NPAS3: variants seen among roughly 807,000 people sequenced by gnomAD.
NPAS3 encodes the protein neuronal PAS domain-containing protein 3.
Under a neutral mutation model 73.1 loss-of-function variants are expected in NPAS3, and 14 were observed. The ratio of observed to expected loss-of-function variants is 0.19; its 90% CI spans 0.13 to 0.30. The LOEUF (loss-of-function observed/expected upper bound fraction) is 0.30, where lower values mean the gene tolerates loss of function less well. Ranked by LOEUF, NPAS3 falls within the 10% of genes least tolerant of loss-of-function variation. NPAS3 has a pLI of 1.00. For synonymous variants in NPAS3, 620 were observed against 541.5 expected, an observed-to-expected ratio of 1.14 and a Z score of -2.01; for missense variants, 1,096 against 1,250.0, an observed-to-expected ratio of 0.88 and a Z score of 1.86.
chr14:32,965,746 A>G lies in NPAS3; in HGVS notation c.50+26380A>G, dbSNP rs1187750201. Among the ~76,000 whole-genome samples, 7 of 152,332 alleles carry G rather than the reference A, an allele frequency of 4.6e-5. No homozygotes were observed. The East Asian group carries it at 1.2e-3, about 25-fold the overall frequency. On this transcript the variant is annotated intron_variant, in intron 1 of 11. Coordinates refer to ENST00000356141, the Ensembl canonical transcript of NPAS3. The stretch of plus-strand genomic sequence containing the variant: ...AGAGAAAGAAATACAGGGCATCCAA[A>G]TTGGAAAGAATGAAGTCAGATTGTT...
intron 3 of NPAS3, among the ~76,000 whole-genome samples, chr14:33,322,726 A>C (rs2043512265): frequency 6.6e-6 from 1 of 152,186 alleles, no homozygotes; most frequent in Admixed American, 6.6e-5. Flanking sequence ...ATAAAACTAC[A>C]GTAGGTGAAC....
intron 2 of NPAS3, among the ~76,000 whole-genome samples, chr14:33,177,433 AT>A (rs2045634938): frequency 6.6e-6 from 1 of 151,804 alleles, no homozygotes; most frequent in Admixed American, 6.6e-5. Flanking sequence ...CTAATATGTG[AT>A]TTGCAAATAT....
At chr14:33,649,697 G>GGCCAAAAA in intron 5 of NPAS3, among the ~76,000 whole-genome samples, 1 of 152,216 alleles carries the variant, frequency 6.6e-6, no homozygotes, top group East Asian at 1.9e-4. Context: ...AAGGAAGAAA[G>GGCCAAAAA]GCCAAAAAGG....
intron 4 of NPAS3, among the ~76,000 whole-genome samples, chr14:33,428,985 C>T (rs574403543): frequency 6.6e-5 from 10 of 151,884 alleles, no homozygotes; most frequent in Middle Eastern, 3.4e-3. Flanking sequence ...ACCAAAATAG[C>T]GAGGAGGTTG....
intron 5 of NPAS3, chr14:33,581,967 T>G (rs1381904341): frequency 6.6e-6 from 1 of 152,232 alleles, no homozygotes; most frequent in African/African-American, 2.4e-5. Context: ...TTAACCAGGC[T>G]TAGATTATTG....
intron 1 of NPAS3, among the ~76,000 whole-genome samples, chr14:32,959,492 A>G (rs1165943920): frequency 6.6e-6 from 1 of 152,248 alleles, no homozygotes; most frequent in African/African-American, 2.4e-5. Context: ...CTATGTTTAC[A>G]TTTACGTGAG....
chr14:33,603,306 G>A (rs1361729256), intron 5 of NPAS3, among the ~76,000 whole-genome samples: 2 of 152,096 alleles, frequency 1.3e-5, no homozygotes, highest in Admixed American at 1.3e-4. Context: ...AAATACAGAG[G>A]GAAAAGTGAA....
At chr14:33,340,058 A>G (rs2044400199) in intron 3 of NPAS3, among the ~76,000 whole-genome samples, 1 of 152,118 alleles carries the variant, frequency 6.6e-6, no homozygotes, top group Non-Finnish European at 1.5e-5. Flanking sequence ...TTTTATTCCT[A>G]TTGGTGATAC....
intron 2 of NPAS3, among the ~76,000 whole-genome samples, chr14:33,095,673 T>TA (rs2042388252): frequency 7.2e-6 from 1 of 137,962 alleles, no homozygotes; most frequent in South Asian, 2.3e-4. Context: ...TTTTTTTATT[T>TA]TTTTTTTTTT....
At chr14:33,222,019 T>A (rs1303984595) in intron 3 of NPAS3, among the ~76,000 whole-genome samples, 1 of 152,110 alleles carries the variant, frequency 6.6e-6, no homozygotes, top group East Asian at 1.9e-4. Flanking sequence ...TAAGCTTAGG[T>A]TCGATGAAGA....
At chr14:33,498,592 C>CA (rs982913313) in intron 4 of NPAS3, among the ~76,000 whole-genome samples, 3 of 151,894 alleles carry the variant, frequency 2.0e-5, no homozygotes, top group African/African-American at 7.3e-5. Flanking sequence ...AACACAGGAA[C>CA]AAAAAACCAA....
intron 2 of NPAS3, among the ~76,000 whole-genome samples, chr14:33,195,819 T>C (rs1047294443): frequency 6.6e-6 from 1 of 152,210 alleles, no homozygotes; most frequent in Non-Finnish European, 1.5e-5. Flanking sequence ...ACTCACTGGA[T>C]CCTGAAGGAA....
At chr14:33,303,889 C>T (rs190191463) in intron 3 of NPAS3, among the ~76,000 whole-genome samples, 1 of 152,144 alleles carries the variant, frequency 6.6e-6, no homozygotes, top group East Asian at 1.9e-4. Context: ...CATAGAAACT[C>T]ACTACCAAGC....
intron 4 of NPAS3, among the ~76,000 whole-genome samples, chr14:33,523,475 A>G (rs1217660150): frequency 2.2e-5 from 3 of 137,832 alleles, no homozygotes; most frequent in Admixed American, 1.5e-4. Context: ...AAAAAAAAAG[A>G]TCCTGGGCCA....
At chr14:33,124,699 G>A (rs1332752412) in intron 2 of NPAS3, among the ~76,000 whole-genome samples, 5 of 152,044 alleles carry the variant, frequency 3.3e-5, no homozygotes. Flanking sequence ...ACTCAGGAGA[G>A]GAAATAGATG....
chr14:33,640,381 G>A (rs1020833631), intron 5 of NPAS3, among the ~76,000 whole-genome samples: 1 of 152,094 alleles, frequency 6.6e-6, no homozygotes, highest in Non-Finnish European at 1.5e-5. Flanking sequence ...TGAAGTCTAT[G>A]CAGTGATCAT....
rs565576303 is a variant in NPAS3, at chr14:33,634,849, G to T, written c.559-41362G>T. 5.3e-5 allele frequency among the ~76,000 whole-genome samples: 8 copies of T among 152,278 alleles called. No homozygotes were observed. In the East Asian group the frequency reaches 1.3e-3, roughly 26 times the overall value. On this transcript the variant is annotated intron_variant, in intron 5 of 11. Transcript: ENST00000356141. ...AGGCATAGACAAGATTGTTTAAGGT[G>T]GTGGTTCTCAAAGTGTGGTTCCCCA... is the stretch of plus-strand genomic sequence containing the variant.
intron 5 of NPAS3, among the ~76,000 whole-genome samples, chr14:33,590,395 G>A (rs1177818818): frequency 6.6e-6 from 1 of 151,986 alleles, no homozygotes; most frequent in South Asian, 2.1e-4. Flanking sequence ...GTCCACATCT[G>A]GACACTGAGG....
chr14:33,096,306 A>G (rs919289885), intron 2 of NPAS3, among the ~76,000 whole-genome samples: 4 of 152,156 alleles, frequency 2.6e-5, no homozygotes, highest in Admixed American at 2.0e-4. Context: ...GCTAGAAAGT[A>G]CTAGAAAGTA....
Sources: gnomAD v4.1 joint callset for allele counts (sites outside exome capture counted in the v4.1 genomes callset) on GRCh38, gnomAD v4.1.1 for gene constraint, MANE v1.5 for transcripts, NCBI Gene and HGNC (gene_info 2026-07-23, HGNC 2026-07-21) for gene names.